Variants in FBXL17 observed in about 807,000 individuals in gnomAD.
FBXL17 encodes F-box/LRR-repeat protein 17.
FBXL17 carries 22 observed loss-of-function variants against 66.2 expected under a neutral mutation model. The ratio of observed to expected loss-of-function variants is 0.33; its 90% CI spans 0.24 to 0.47. The LOEUF is 0.47. FBXL17 is among the 20% of genes least tolerant of loss of function. FBXL17 has a pLI of 1.00. For missense variants in FBXL17, 878 were observed against 948.2 expected (o/e 0.93, Z 0.97); for synonymous variants, 474 against 400.5 (o/e 1.18, Z -2.19).
chr5:108,213,707 G>A (rs1754475775), intron 5 of FBXL17, among the ~76,000 whole-genome samples: 1 of 152,184 alleles, frequency 6.6e-6, no homozygotes, highest in Admixed American at 6.5e-5. Context: ...TTCGCTGGGA[G>A]CTGCAGACCA....
intron 4 of FBXL17, among the ~76,000 whole-genome samples, chr5:108,300,851 A>G (rs1758557799): frequency 6.6e-6 from 1 of 151,758 alleles, no homozygotes; most frequent in South Asian, 2.1e-4. Context: ...CAAAAAACTG[A>G]TGACTCAAAA....
intron 4 of FBXL17, among the ~76,000 whole-genome samples, chr5:108,236,883 A>ATAC (rs769852227): frequency 3.4e-4 from 52 of 152,202 alleles, no homozygotes; most frequent in Non-Finnish European, 7.1e-4. Flanking sequence ...TGCCCTGACT[A>ATAC]AGCTTATACA....
In FBXL17 at chr5:108,251,768, C is replaced by T. The variant is rs577815623; in HGVS notation, c.1507-27540G>A. Among the ~76,000 whole-genome samples, 198 of 152,160 alleles carry T rather than the reference C, an allele frequency of 1.3e-3. 1 individual carries two copies. Among genetic ancestry groups the T allele is most frequent in the African/African-American group, 4.4e-3 (183 of 41,546 alleles). On this transcript the variant is annotated intron_variant, in intron 4 of 8. Coordinates refer to ENST00000542267, the MANE Select transcript of FBXL17 (RefSeq NM_001163315.3). Reference sequence around the variant, plus strand: ...AAAGCTCAATAATATTCCATCAATCCTATATAAATTGTTTTATAAGTTTTT... The same window carrying T: ...AAAGCTCAATAATATTCCATCAATCTTATATAAATTGTTTTATAAGTTTTT...
At position 108,116,563 on chromosome 5, in the gene FBXL17, G is replaced by A. The variant is rs111909963; in HGVS notation, c.1745+69554C>T. Among the ~76,000 whole-genome samples, 8 of 151,768 alleles carry A rather than the reference G, an allele frequency of 5.3e-5. 1 individual carries two copies. Among genetic ancestry groups the A allele is most frequent in the African/African-American group, 1.7e-4 (7 of 41,376 alleles). On this transcript the variant is annotated intron_variant, in intron 6 of 8. Coordinates refer to ENST00000542267, the MANE Select transcript of FBXL17 (RefSeq NM_001163315.3). ...CTCAGAAGACTGAGGCAGGAGAATC[G>A]CTTGAACCCGGGAGGCAGAGGTTGC...
chr5:108,116,281 A>G (rs1335516457), intron 6 of FBXL17, among the ~76,000 whole-genome samples: 2 of 152,160 alleles, frequency 1.3e-5, no homozygotes, highest in African/African-American at 4.8e-5. Context: ...TTAGGTAGTT[A>G]CGAGGTTAAT....
At chr5:108,003,114 G>A (rs1045980718) in intron 7 of FBXL17, among the ~76,000 whole-genome samples, 18 of 152,172 alleles carry the variant, frequency 1.2e-4, no homozygotes, top group Non-Finnish European at 1.9e-4. Context: ...AAGTATGAAT[G>A]CCACAGCTAC....
intron 4 of FBXL17, among the ~76,000 whole-genome samples, chr5:108,261,149 T>G: frequency 6.6e-6 from 1 of 152,118 alleles, no homozygotes; most frequent in East Asian, 1.9e-4. Flanking sequence ...ACTGTGGTCC[T>G]TCCTAAAAGA....
intron 4 of FBXL17, among the ~76,000 whole-genome samples, chr5:108,260,870 C>T (rs1311732782): frequency 1.3e-5 from 2 of 152,134 alleles, no homozygotes; most frequent in African/African-American, 4.8e-5. Flanking sequence ...CACACAGTCT[C>T]GCATTTTACA....
At chr5:108,192,088 C>T (rs780545691) in intron 5 of FBXL17, among the ~76,000 whole-genome samples, 4 of 152,158 alleles carry the variant, frequency 2.6e-5, no homozygotes, top group African/African-American at 4.8e-5. Context: ...CAAAACTGCA[C>T]AAACAGTTCT....
At chr5:108,243,026 C>T (rs1055205890) in intron 4 of FBXL17, among the ~76,000 whole-genome samples, 3 of 152,136 alleles carry the variant, frequency 2.0e-5, no homozygotes, top group Non-Finnish European at 2.9e-5. Flanking sequence ...TAGCATCCAA[C>T]GAGAATCTGA....
intron 6 of FBXL17, among the ~76,000 whole-genome samples, chr5:108,100,391 T>C (rs919459473): frequency 3.9e-5 from 6 of 152,214 alleles, no homozygotes; most frequent in Admixed American, 1.3e-4. Context: ...AATGAATTCA[T>C]GGCTAATCTT....
At chr5:108,238,260 A>G (rs1755693839) in intron 4 of FBXL17, among the ~76,000 whole-genome samples, 2 of 152,228 alleles carry the variant, frequency 1.3e-5, no homozygotes, top group East Asian at 3.9e-4. Flanking sequence ...TATCTAGTAA[A>G]TTTTTAAAAG....
rs1749824766 is a variant in FBXL17 at position 108,380,915 on chromosome 5, G to A, written c.777C>T (p.Cys259=). ...CGGAGGTGGGAGAAGAGGGCGGAGG[G>A]CAGAGCGGCTGCGGGGGCTGCTCCG... ...QAPEQPPQPL[C]PPPSSPTSEG... The change falls in exon 1 of 9, where the codon TGC becomes TGT. Residue 259 remains cysteine, a synonymous_variant. Transcript: ENST00000542267. The A allele has an allele frequency of 4.1e-6, 5 of 1,227,008 alleles. No homozygotes were observed. The highest frequency in any genetic ancestry group is 6.3e-5 in the East Asian group (2 of 31,560). The allele number at this position is 1,227,008 out of a possible 1,614,324, so 76.0% of individuals were successfully genotyped here.
At chr5:108,042,190 G>A (rs1443816709) in intron 6 of FBXL17, among the ~76,000 whole-genome samples, 3 of 152,166 alleles carry the variant, frequency 2.0e-5, no homozygotes, top group East Asian at 3.9e-4. Context: ...CACCGCTCCT[G>A]GCCTTCAGTT....
intron 6 of FBXL17, among the ~76,000 whole-genome samples, chr5:108,096,763 T>C (rs1385340902): frequency 6.6e-6 from 1 of 152,086 alleles, no homozygotes; most frequent in African/African-American, 2.4e-5. Flanking sequence ...GTCTGAGCAA[T>C]GGGAGGACAG....
Position 108,102,068 on chromosome 5 carries a change from G to T in FBXL17, c.1746-81067C>A, listed in dbSNP as rs919672225. On this transcript the variant is annotated intron_variant, in intron 6 of 8. Transcript: ENST00000542267. Reference sequence around the variant, plus strand: ...GGCCCAAGTGAGATGAGCTGAATTCGTTTCGGCAGCTTGTACTCTGCCCCA... The same window carrying T: ...GGCCCAAGTGAGATGAGCTGAATTCTTTTCGGCAGCTTGTACTCTGCCCCA... Among the ~76,000 whole-genome samples, 3 of 152,052 alleles carry T rather than the reference G, an allele frequency of 2.0e-5. No homozygotes were observed. In the East Asian group the frequency reaches 5.8e-4, roughly 29 times the overall value.
intron 4 of FBXL17, among the ~76,000 whole-genome samples, chr5:108,338,767 C>T (rs1483110086): frequency 2.0e-5 from 3 of 152,078 alleles, no homozygotes; most frequent in Middle Eastern, 3.4e-3. Context: ...AAGAATCCAC[C>T]CCAAAACTCA....
intron 6 of FBXL17, among the ~76,000 whole-genome samples, chr5:108,134,484 A>G (rs979823070): frequency 3.9e-5 from 6 of 152,188 alleles, no homozygotes; most frequent in Non-Finnish European, 5.9e-5. Flanking sequence ...AGAAAAAGAC[A>G]CATAAAAATC....
chr5:108,123,794 T>C (rs1024199062), intron 6 of FBXL17, among the ~76,000 whole-genome samples: 2 of 152,116 alleles, frequency 1.3e-5, no homozygotes, highest in Non-Finnish European at 2.9e-5. Flanking sequence ...TATTGAGTAA[T>C]GGGAAAGTAA....
Sources: gnomAD v4.1 joint callset for allele counts (sites outside exome capture counted in the v4.1 genomes callset) on GRCh38, gnomAD v4.1.1 for gene constraint, MANE v1.5 for transcripts, NCBI Gene and HGNC (gene_info 2026-07-23, HGNC 2026-07-21) for gene names.